The following INSC variants were observed in gnomAD, a reference collection of about 807,000 sequenced individuals.
The protein encoded by INSC is protein inscuteable homolog.
INSC carries 67 observed loss-of-function variants against 58.6 expected under a neutral mutation model. The observed-to-expected ratio is 1.14, with a 90% CI of 0.94 to 1.40. INSC has a LOEUF of 1.40. INSC is among the 40% of genes most tolerant of loss of function. The pLI is 0.00. For synonymous variants in INSC, 262 were observed against 276.1 expected, an observed-to-expected ratio of 0.95 and a Z score of 0.51; for missense variants, 714 against 692.0, an observed-to-expected ratio of 1.03 and a Z score of -0.36.
chr11:15,183,293 A>G (rs958812125), intron 5 of INSC, among the ~76,000 whole-genome samples: 1 of 149,982 alleles, frequency 6.7e-6, no homozygotes. Context: ...GGAGGTTGCC[A>G]TGAGCCGAGA....
At chr11:15,157,370 A>G (rs1055416303) in intron 2 of INSC, among the ~76,000 whole-genome samples, 2 of 152,138 alleles carry the variant, frequency 1.3e-5, no homozygotes, top group African/African-American at 4.8e-5. Flanking sequence ...ATCTGCCTTT[A>G]CCTCAATTTT....
intron 9 of INSC, among the ~76,000 whole-genome samples, chr11:15,230,016 A>ATATAT (rs1365835912): frequency 2.5e-4 from 10 of 39,718 alleles, no homozygotes; most frequent in African/African-American, 1.3e-3. Context: ...TATATATAAT[A>ATATAT]TATATATATA....
At chr11:15,227,799 C>T (rs1038270554) in intron 9 of INSC, among the ~76,000 whole-genome samples, 2 of 152,166 alleles carry the variant, frequency 1.3e-5, no homozygotes, top group African/African-American at 4.8e-5. Context: ...AGATAGATAC[C>T]TCCAGTTGCT....
At chr11:15,221,330 CTGGTTCCACAT>C in intron 7 of INSC, 136 bp from the exon 8 acceptor site, 1 of 883,484 alleles carries the variant, frequency 1.1e-6, no homozygotes, top group Non-Finnish European at 1.7e-6. Context: ...TGGATTGTCC[CTGGTTCCACAT>C]GGGGTCCTGG....
intron 7 of INSC, among the ~76,000 whole-genome samples, chr11:15,212,884 G>GT (rs1757113619): frequency 6.6e-6 from 1 of 152,118 alleles, no homozygotes; most frequent in South Asian, 2.1e-4. Context: ...GTGATAATGG[G>GT]TATCTTTACC....
chr11:15,144,361 C>T (rs147330260), intron 1 of INSC, among the ~76,000 whole-genome samples: 6 of 152,308 alleles, frequency 3.9e-5, no homozygotes, highest in African/African-American at 1.4e-4. Context: ...ATTTCTTCCC[C>T]AGTAAAGCAG....
At chr11:15,180,826 A>G (rs1383602475) in intron 5 of INSC, among the ~76,000 whole-genome samples, 1 of 151,866 alleles carries the variant, frequency 6.6e-6, no homozygotes, top group Admixed American at 6.6e-5. Flanking sequence ...ATGCCCTTTT[A>G]AGGGCTGAGC....
At chr11:15,164,710 CATAAG>C (rs1412811822) in intron 2 of INSC, among the ~76,000 whole-genome samples, 1 of 152,146 alleles carries the variant, frequency 6.6e-6, no homozygotes, top group East Asian at 1.9e-4. Flanking sequence ...TTCTTCGTCT[CATAAG>C]ATAATATGAT....
intron 1 of INSC, among the ~76,000 whole-genome samples, chr11:15,139,680 C>A (rs1226872120): frequency 6.6e-6 from 1 of 152,146 alleles, no homozygotes; most frequent in East Asian, 1.9e-4. Context: ...TTTTATAGAT[C>A]AAAAACATAA....
At position 15,175,775 on chromosome 11, in the gene INSC, T is replaced by C. The variant is rs1849548971; in HGVS notation, c.91T>C (p.Trp31Arg). The C allele has an allele frequency of 6.3e-7, 1 of 1,593,330 alleles. No individual in the cohort carries two copies. The highest frequency in any genetic ancestry group is 1.3e-5 in the African/African-American group (1 of 74,656). ...GATGCAGGTGGACTCAGTCCAGCGC[T>C]GGATGGAAGATCTGAAGCTCATGAC... is the stretch of plus-strand genomic sequence containing the variant. ...HLMQVDSVQR[W>R]MEDLKLMTEC... The change falls in exon 3 of 13, where the codon TGG becomes CGG. Residue 31 changes from tryptophan (W) to arginine (R), a missense_variant. Transcript: ENST00000379556.
chr11:15,170,473 C>T (rs1849358210), intron 2 of INSC, among the ~76,000 whole-genome samples: 3 of 152,058 alleles, frequency 2.0e-5, no homozygotes, highest in Non-Finnish European at 2.9e-5. Flanking sequence ...CTGACGCTTC[C>T]CTCATCATGA....
At chr11:15,188,223 G>A (rs767606224) in intron 5 of INSC, 295 of 985,320 alleles carry the variant, frequency 3.0e-4, no homozygotes, top group Non-Finnish European at 3.4e-4. Context: ...CATAGTGTTA[G>A]ATGCGAAGGG....
intron 1 of INSC, among the ~76,000 whole-genome samples, chr11:15,145,281 G>A (rs1236975403): frequency 6.6e-6 from 1 of 152,162 alleles, no homozygotes; most frequent in Non-Finnish European, 1.5e-5. Context: ...ATTTTCCCAA[G>A]GTTATGTACT....
At chr11:15,214,033 A>G (rs1477229844) in intron 7 of INSC, among the ~76,000 whole-genome samples, 6 of 152,196 alleles carry the variant, frequency 3.9e-5, no homozygotes, top group Admixed American at 3.9e-4. Flanking sequence ...TATCTGGTGT[A>G]CAGTCCACAT....
rs1404699129 is a variant in INSC at position 15,235,606 on chromosome 11, T to C, written c.1175T>C (p.Val392Ala). 6.2e-7 allele frequency: 1 copy of C among 1,613,582 alleles called. No individual in the cohort carries two copies. The highest frequency in any genetic ancestry group is 8.5e-7 in the Non-Finnish European group (1 of 1,179,484). Residue 392 changes from valine to alanine, a missense_variant, in exon 10 of 13, where the codon GTG (valine) becomes GCG (alanine). Transcript: ENST00000379556. Reference sequence around the variant, plus strand: ...TTTCTAAATTATCTTTTCCAGATTGTGACCATCTTGGCAAACATGTCTGTC... The same window carrying C: ...TTTCTAAATTATCTTTTCCAGATTGCGACCATCTTGGCAAACATGTCTGTC... ...VDTPYTRDQI[V>A]TILANMSVLE...
chr11:15,178,875 AT>A (rs1849665836), intron 5 of INSC, among the ~76,000 whole-genome samples: 1 of 152,170 alleles, frequency 6.6e-6, no homozygotes, highest in Admixed American at 6.5e-5. Flanking sequence ...TTGGAACCTG[AT>A]CCCCCTCTTC....
At chr11:15,209,717 G>C (rs575776530) in intron 7 of INSC, among the ~76,000 whole-genome samples, 1 of 152,146 alleles carries the variant, frequency 6.6e-6, no homozygotes, top group African/African-American at 2.4e-5. Context: ...TTTCTGGTTC[G>C]TTCTTCCTCA....
the INSC span, among the ~76,000 whole-genome samples, chr11:15,261,994 A>G: frequency 1.3e-5 from 2 of 152,096 alleles, no homozygotes; most frequent in African/African-American, 2.4e-5. Flanking sequence ...GGGAGGGGAC[A>G]AGTAGAGCTA....
At chr11:15,235,215 T>G (rs1852076029) in intron 9 of INSC, 1 of 262,090 alleles carries the variant, frequency 3.8e-6, no homozygotes, top group Admixed American at 4.3e-5. Flanking sequence ...GAGCTAGCTG[T>G]CAGGAGGACA....
Sources: allele counts gnomAD v4.1 joint callset (sites outside exome capture counted in the v4.1 genomes callset), GRCh38; gene constraint gnomAD v4.1.1; transcripts MANE v1.5; gene names NCBI Gene and HGNC (gene_info 2026-07-23, HGNC 2026-07-21).